The following SLC4A1AP variants were observed in gnomAD, a reference collection of about 807,000 sequenced individuals.
SLC4A1AP encodes the protein solute carrier family 4 member 1 adaptor protein, also known as kanadaptin.
A neutral mutation model predicts 89.7 loss-of-function variants in SLC4A1AP; 64 were observed. The observed-to-expected ratio is 0.71, with a 90% CI of 0.58 to 0.88. The LOEUF (loss-of-function observed/expected upper bound fraction) is 0.88, where lower values mean the gene tolerates loss of function less well. SLC4A1AP is among the 40% of genes least tolerant of loss of function. The pLI is 0.00. For synonymous variants in SLC4A1AP, 366 were observed against 353.3 expected, an observed-to-expected ratio of 1.04 and a Z score of -0.40; for missense variants, 931 against 965.0, an observed-to-expected ratio of 0.96 and a Z score of 0.47.
chr2:27,682,629 A>G (rs1012770429), intron 9 of SLC4A1AP, among the ~76,000 whole-genome samples: 1 of 151,506 alleles, frequency 6.6e-6, no homozygotes, highest in Non-Finnish European at 1.5e-5. Flanking sequence ...GGTTCAAGCA[A>G]TTCTCCTGCC....
Position 27,664,403 on chromosome 2 carries a change from G to A in SLC4A1AP, c.651G>A (p.Ala217=), listed in dbSNP as rs767129231. ...ACCACGCAGTGCTGCAGCACAGGGC[G>A]TCCGGCCCTGACGGAGAATGCGACA... The change falls in exon 1 of 14, where the codon GCG becomes GCA. Residue 217 remains alanine, a synonymous_variant. Coordinates refer to ENST00000613058, the Ensembl canonical transcript of SLC4A1AP. 6 of 1,614,110 alleles carry A rather than the reference G, an allele frequency of 3.7e-6. No individual in the cohort carries two copies. The South Asian group carries it at 5.5e-5, about 15-fold the overall frequency.
At chr2:27,677,774 C>T (rs1354643142) in exon 8 of SLC4A1AP, 4 of 1,610,620 alleles carry the variant, frequency 2.5e-6, no homozygotes, top group Non-Finnish European at 2.5e-6. Context: ...TCTTTAGATG[C>T]GTTCATGTCA....
In SLC4A1AP at chr2:27,688,565, G is replaced by A. The variant is rs528374016; in HGVS notation, c.2204-135G>A. 23 of 620,956 alleles carry A rather than the reference G, an allele frequency of 3.7e-5. 1 individual carries two copies. In the South Asian group the frequency reaches 3.8e-4, roughly 10 times the overall value. The allele number at this position is 620,956 out of a possible 1,614,324, so 38.5% of individuals were successfully genotyped here. ...TCTTGATATAGTTTTTACAGCAGTA[G>A]AAGGAATTGTTGAGAATTGCATTGT... On this transcript the variant is annotated intron_variant, in intron 11 of 13. Transcript: ENST00000613058.
intron 13 of SLC4A1AP, among the ~76,000 whole-genome samples, chr2:27,694,387 A>G (rs964002551): frequency 6.6e-6 from 1 of 152,140 alleles, no homozygotes; most frequent in Non-Finnish European, 1.5e-5. Flanking sequence ...ACAGCTTGAG[A>G]TTTCTAATAT....
intron 2 of SLC4A1AP, among the ~76,000 whole-genome samples, 178 bp downstream of exon 2, chr2:27,665,473 G>T (rs1423498888): frequency 2.0e-5 from 3 of 152,182 alleles, no homozygotes; most frequent in East Asian, 1.9e-4. Context: ...CTGTTGTAAA[G>T]AAATTGACTT....
chr2:27,682,256 C>A, exon 9 of SLC4A1AP: 1 of 1,610,448 alleles, frequency 6.2e-7, no homozygotes. Context: ...AGGACTGAAA[C>A]TCAGACTACA....
exon 10 of SLC4A1AP, chr2:27,685,101 T>C: frequency 6.2e-7 from 1 of 1,613,016 alleles, no homozygotes; most frequent in South Asian, 1.1e-5. Flanking sequence ...GAGCCTGAAG[T>C]AGAAGAGGAG....
At chr2:27,685,870 C>T (rs1349586788) in intron 10 of SLC4A1AP, among the ~76,000 whole-genome samples, 1 of 151,852 alleles carries the variant, frequency 6.6e-6, no homozygotes, top group Non-Finnish European at 1.5e-5. Flanking sequence ...TCTGTATTTT[C>T]TATATATATA....
At chr2:27,666,748 C>T (rs1449800288) in intron 2 of SLC4A1AP, among the ~76,000 whole-genome samples, 4 of 152,010 alleles carry the variant, frequency 2.6e-5, no homozygotes, top group South Asian at 4.1e-4. Context: ...CAAGTTTTGA[C>T]TTGTCACACA....
At chr2:27,673,417 TCCC>T in intron 5 of SLC4A1AP, among the ~76,000 whole-genome samples, 1 of 34,762 alleles carries the variant, frequency 2.9e-5, no homozygotes, top group South Asian at 1.5e-3. Flanking sequence ...CCTCCCTCCC[TCCC>T]TCCCTCCCTC....
intron 8 of SLC4A1AP, among the ~76,000 whole-genome samples, chr2:27,681,929 C>T (rs1276311633): frequency 6.6e-6 from 1 of 152,102 alleles, no homozygotes; most frequent in Non-Finnish European, 1.5e-5. Flanking sequence ...GGATCAATCT[C>T]CTGCTGCTTA....
chr2:27,666,672 A>G (rs1219909131), intron 2 of SLC4A1AP, among the ~76,000 whole-genome samples: 1 of 151,814 alleles, frequency 6.6e-6, no homozygotes, highest in African/African-American at 2.4e-5. Flanking sequence ...TTTTTCCACA[A>G]TGTGGTAGGT....
chr2:27,671,434 A>G (rs1182584083), intron 5 of SLC4A1AP, among the ~76,000 whole-genome samples: 1 of 151,888 alleles, frequency 6.6e-6, no homozygotes, highest in Non-Finnish European at 1.5e-5. Context: ...GCTTTTTTGT[A>G]TTTCTTGCTC....
At chr2:27,684,427 CAAAAA>C (rs574920714) in intron 9 of SLC4A1AP, among the ~76,000 whole-genome samples, 1 of 103,772 alleles carries the variant, frequency 9.6e-6, no homozygotes, top group Non-Finnish European at 2.1e-5. Flanking sequence ...GACTCTGTCT[CAAAAA>C]AAAAAAAAAA....
exon 10 of SLC4A1AP, chr2:27,685,095 C>T: frequency 3.7e-6 from 6 of 1,613,454 alleles, no homozygotes; most frequent in Non-Finnish European, 5.1e-6. Flanking sequence ...AAAGATGAGC[C>T]TGAAGTAGAA....
chr2:27,680,530 A>C (rs1024737347), intron 8 of SLC4A1AP, among the ~76,000 whole-genome samples: 1 of 152,126 alleles, frequency 6.6e-6, no homozygotes, highest in African/African-American at 2.4e-5. Context: ...TCACACCTGT[A>C]GTCCCAGAAC....
chr2:27,683,731 A>G (rs909035918), intron 9 of SLC4A1AP, among the ~76,000 whole-genome samples: 1 of 151,854 alleles, frequency 6.6e-6, no homozygotes, highest in Admixed American at 6.6e-5. Flanking sequence ...AGTCCTAGCT[A>G]TGTATTCTTT....
intron 5 of SLC4A1AP, among the ~76,000 whole-genome samples, chr2:27,673,992 G>T (rs1675473278): frequency 2.7e-4 from 1 of 3,764 alleles, no homozygotes; most frequent in Non-Finnish European, 6.0e-4. Flanking sequence ...TATACAAGTT[G>T]TGTGTGTGTG....
chr2:27,676,342 C>G (rs1410251103), intron 6 of SLC4A1AP, among the ~76,000 whole-genome samples: 2 of 152,184 alleles, frequency 1.3e-5, no homozygotes, highest in East Asian at 3.8e-4. Context: ...GAATTTGTTA[C>G]AGGTATTAAT....
Sources: gnomAD v4.1 joint callset for allele counts (sites outside exome capture counted in the v4.1 genomes callset) on GRCh38, gnomAD v4.1.1 for gene constraint, MANE v1.5 for transcripts, NCBI Gene and HGNC (gene_info 2026-07-23, HGNC 2026-07-21) for gene names.